Variants in ARHGAP42 observed in about 807,000 individuals in gnomAD.
ARHGAP42 encodes rho GTPase-activating protein 42.
In ARHGAP42, 63 loss-of-function variants were observed where a neutral mutation model predicts 125.0. The observed-to-expected ratio is 0.50, with a 90% CI of 0.41 to 0.62. The LOEUF is 0.62. Among genes scored for constraint, ARHGAP42 ranks in the 20% least tolerant of loss-of-function variants. The pLI, the probability that ARHGAP42 is intolerant of heterozygous loss-of-function variation, is 0.00. For synonymous variants in ARHGAP42, 339 were observed against 351.0 expected (o/e 0.97, Z 0.38); for missense variants, 766 against 1,024.2 (o/e 0.75, Z 3.44).
rs548666771 is a variant in ARHGAP42 at position 100,839,068 on chromosome 11, C to T, written c.313-20486C>T. ...TAGTATATATACTGCATATCATCTA[C>T]AGAACACAGCTATAACATGGCAGCC... On this transcript the variant is annotated intron_variant, in intron 3 of 23. Transcript: ENST00000298815. 2.0e-5 allele frequency among the ~76,000 whole-genome samples: 3 copies of T among 152,086 alleles called. No individual in the cohort carries two copies. The South Asian group carries it at 6.2e-4, about 32-fold the overall frequency.
chr11:100,795,631 G>A (rs187356225), intron 3 of ARHGAP42, among the ~76,000 whole-genome samples: 42 of 152,124 alleles, frequency 2.8e-4, no homozygotes, highest in African/African-American at 1.0e-3. Context: ...GGAAGGACAG[G>A]GAAAACATTC....
intron 9 of ARHGAP42, among the ~76,000 whole-genome samples, chr11:100,942,926 A>T (rs1565287215): frequency 1.3e-5 from 2 of 152,138 alleles, no homozygotes; most frequent in Non-Finnish European, 2.9e-5. Context: ...TAATGTAAGT[A>T]GACCAAGCCA....
chr11:100,892,015 C>T (rs1223201709), intron 4 of ARHGAP42, among the ~76,000 whole-genome samples: 1 of 152,088 alleles, frequency 6.6e-6, no homozygotes. Flanking sequence ...GAACTTCAAG[C>T]ACATTGGTAT....
Position 100,974,588 on chromosome 11 carries a change from C to G in ARHGAP42, c.1840C>G (p.Leu614Val), listed in dbSNP as rs531602728. The G allele has an allele frequency of 6.5e-7, 1 of 1,550,224 alleles. No homozygotes were observed. Among genetic ancestry groups the G allele is most frequent in the African/African-American group, 1.4e-5 (1 of 73,088 alleles). The change falls in exon 19 of 24, where the codon CTG becomes GTG. Residue 614 changes from leucine (L) to valine (V), a missense_variant. Physicochemically the swap from Leu to Val is conservative, Grantham distance 32. Around this residue, in one of 3 missense-constraint regions of ARHGAP42, gnomAD observed 308 missense variants for 369.7 expected, o/e 0.83. Coordinates refer to ENST00000298815, the MANE Select transcript of ARHGAP42 (RefSeq NM_152432.4). Reference sequence around the variant, plus strand: ...GCCCAGAGGGAGGTATACTCCATGCCTGGCCGAACCTGATAGTAAGTGCAC... The same window carrying G: ...GCCCAGAGGGAGGTATACTCCATGCGTGGCCGAACCTGATAGTAAGTGCAC... ...RKPRGRYTPC[L>V]AEPDSDSYSS...
At chr11:100,704,116 G>C (rs1328102594) in intron 1 of ARHGAP42, among the ~76,000 whole-genome samples, 1 of 152,222 alleles carries the variant, frequency 6.6e-6, no homozygotes, top group East Asian at 1.9e-4. Context: ...AGCTGGCTCA[G>C]TGAGAACATT....
At chr11:100,950,036 C>G in intron 12 of ARHGAP42, 80 bp downstream of exon 12, 1 of 859,288 alleles carries the variant, frequency 1.2e-6, no homozygotes, top group Non-Finnish European at 1.7e-6. Context: ...TGTAAGTATT[C>G]TGGGGAAATA....
intron 3 of ARHGAP42, chr11:100,839,950 G>A (rs150508575): frequency 7.9e-5 from 12 of 152,168 alleles, no homozygotes; most frequent in Non-Finnish European, 1.6e-4. Flanking sequence ...TGTAGTGCCA[G>A]ACCATACTGT....
chr11:100,907,517 G>C (rs1328657877), intron 4 of ARHGAP42, among the ~76,000 whole-genome samples: 1 of 152,204 alleles, frequency 6.6e-6, no homozygotes, highest in Non-Finnish European at 1.5e-5. Context: ...TTGCAGATGG[G>C]GGAGTTGGTG....
chr11:100,769,774 A>G (rs1236304970), intron 1 of ARHGAP42, among the ~76,000 whole-genome samples: 1 of 133,238 alleles, frequency 7.5e-6, no homozygotes, highest in Non-Finnish European at 1.5e-5. Flanking sequence ...CTGAACAATG[A>G]GAACATATGG....
intron 2 of ARHGAP42, among the ~76,000 whole-genome samples, chr11:100,785,099 T>A (rs146143360): frequency 6.6e-5 from 10 of 152,032 alleles, no homozygotes; most frequent in Admixed American, 1.3e-4. Context: ...AACAGCATTG[T>A]GAAGAGGGAG....
At chr11:100,723,851 T>A (rs1033480610) in intron 1 of ARHGAP42, among the ~76,000 whole-genome samples, 2 of 152,198 alleles carry the variant, frequency 1.3e-5, no homozygotes, top group African/African-American at 4.8e-5. Context: ...GGAGAAAGCA[T>A]CTAGTTTCTC....
At chr11:100,962,380 C>A (rs1857978059) in intron 15 of ARHGAP42, 29 bp from the exon 16 acceptor site, 2 of 1,537,578 alleles carry the variant, frequency 1.3e-6, no homozygotes, top group East Asian at 4.9e-5. Context: ...TTCTACTATT[C>A]TAACATGTGT....
At chr11:100,837,355 A>AT (rs1160443887) in intron 3 of ARHGAP42, among the ~76,000 whole-genome samples, 6 of 151,760 alleles carry the variant, frequency 4.0e-5, no homozygotes, top group Non-Finnish European at 8.8e-5. Flanking sequence ...ATATATACAT[A>AT]TTTTTTTCTT....
chr11:100,989,205 G>A lies in ARHGAP42; in HGVS notation c.*404G>A. On this transcript the variant is annotated 3_prime_UTR_variant, in exon 24 of 24. Coordinates refer to ENST00000298815, the MANE Select transcript of ARHGAP42 (RefSeq NM_152432.4). ...GCATTCTCTGAGGATCTCTGAAATT[G>A]TTACTTAAAAATGTAATTTAAATTG... 1 of 397,230 alleles carries A rather than the reference G, an allele frequency of 2.5e-6. No individual in the cohort carries two copies. The highest frequency in any genetic ancestry group is 4.4e-6 in the Non-Finnish European group (1 of 225,610). The allele number at this position is 397,230 out of a possible 1,614,324, so 24.6% of individuals were successfully genotyped here.
At chr11:100,757,115 G>A (rs147512027) in intron 1 of ARHGAP42, among the ~76,000 whole-genome samples, 1 of 152,100 alleles carries the variant, frequency 6.6e-6, no homozygotes, top group African/African-American at 2.4e-5. Context: ...AGATCAATAA[G>A]AATGAGACTT....
At chr11:100,773,774 G>A (rs1272678529) in intron 2 of ARHGAP42, among the ~76,000 whole-genome samples, 1 of 152,168 alleles carries the variant, frequency 6.6e-6, no homozygotes, top group African/African-American at 2.4e-5. Flanking sequence ...GATTCGAGAG[G>A]TGTGAATTGA....
intron 1 of ARHGAP42, among the ~76,000 whole-genome samples, chr11:100,735,096 TC>T (rs1862039022): frequency 6.6e-6 from 1 of 152,188 alleles, no homozygotes; most frequent in Non-Finnish European, 1.5e-5. Flanking sequence ...ATGTGAAAGT[TC>T]CCACCAGACC....
At chr11:100,943,891 T>C (rs900473519) in intron 10 of ARHGAP42, 23 bp downstream of exon 10, 1 of 1,428,920 alleles carries the variant, frequency 7.0e-7, no homozygotes, top group African/African-American at 1.4e-5. Context: ...CTTTTCACTT[T>C]ATTTTTTTCA....
chr11:100,732,430 G>A (rs1301372720), intron 1 of ARHGAP42, among the ~76,000 whole-genome samples: 1 of 152,236 alleles, frequency 6.6e-6, no homozygotes, highest in Admixed American at 6.5e-5. Context: ...TGTCTCTACC[G>A]CTGCAAACTT....
Sources: gnomAD v4.1 joint callset for allele counts (sites outside exome capture counted in the v4.1 genomes callset) on GRCh38, gnomAD v4.1.1 for gene constraint, gnomAD v4.1.1 regional missense constraint, MANE v1.5 for transcripts, NCBI Gene and HGNC (gene_info 2026-07-23, HGNC 2026-07-21) for gene names.